The following ZFPM2 variants were observed in gnomAD, a reference collection of about 807,000 sequenced individuals.
The protein encoded by ZFPM2 is zinc finger protein, FOG family member 2.
Under a neutral mutation model 98.6 loss-of-function variants are expected in ZFPM2, and 20 were observed. That is an observed-to-expected ratio of 0.20 (90% CI 0.14 to 0.29). ZFPM2 has a LOEUF of 0.29. Ranked by LOEUF, ZFPM2 falls within the 10% of genes least tolerant of loss-of-function variation. ZFPM2 has a pLI of 1.00. For synonymous variants in ZFPM2, 518 were observed against 502.7 expected (o/e 1.03, Z -0.41); for missense variants, 1,310 against 1,388.6 (o/e 0.94, Z 0.90).
At chr8:105,503,160 A>G (rs1813629801) in intron 3 of ZFPM2, among the ~76,000 whole-genome samples, 1 of 152,224 alleles carries the variant, frequency 6.6e-6, no homozygotes, top group South Asian at 2.1e-4. Context: ...TGTTGTTTCA[A>G]GGTGTGTAAG....
intron 4 of ZFPM2, among the ~76,000 whole-genome samples, chr8:105,570,149 C>G (rs2130718314): frequency 6.6e-6 from 1 of 152,190 alleles, no homozygotes; most frequent in East Asian, 1.9e-4. Flanking sequence ...TTCTCTTATA[C>G]TCTATCTGCT....
At chr8:105,634,996 A>C (rs754850668) in intron 5 of ZFPM2, among the ~76,000 whole-genome samples, 2 of 152,146 alleles carry the variant, frequency 1.3e-5, no homozygotes, top group African/African-American at 2.4e-5. Flanking sequence ...ATGATGGCAC[A>C]TTGTGGGGCT....
intron 5 of ZFPM2, among the ~76,000 whole-genome samples, chr8:105,651,609 A>G (rs899009567): frequency 6.6e-6 from 1 of 152,102 alleles, no homozygotes; most frequent in Non-Finnish European, 1.5e-5. Flanking sequence ...CAACACCTCT[A>G]AAAGGCCTTC....
chr8:105,720,909 G>A (rs1053499505), intron 5 of ZFPM2, among the ~76,000 whole-genome samples: 3 of 151,944 alleles, frequency 2.0e-5, no homozygotes, highest in Non-Finnish European at 4.4e-5. Context: ...CCACCTTGCT[G>A]CATCTGTAAA....
chr8:105,441,661 G>A (rs1250406530), intron 2 of ZFPM2, among the ~76,000 whole-genome samples: 1 of 151,952 alleles, frequency 6.6e-6, no homozygotes, highest in Non-Finnish European at 1.5e-5. Flanking sequence ...AGCTAACATT[G>A]TGATTCCAGT....
At chr8:105,737,921 G>C (rs1317354199) in intron 5 of ZFPM2, among the ~76,000 whole-genome samples, 1 of 151,702 alleles carries the variant, frequency 6.6e-6, no homozygotes, top group Non-Finnish European at 1.5e-5. Context: ...AAATACAATA[G>C]TATTTTTTGT....
At chr8:105,333,430 A>G (rs1295465340) in intron 1 of ZFPM2, among the ~76,000 whole-genome samples, 1 of 151,770 alleles carries the variant, frequency 6.6e-6, no homozygotes, top group Non-Finnish European at 1.5e-5. Context: ...CCATTCATTC[A>G]TATGCATTAG....
At chr8:105,381,450 A>G (rs576715492) in intron 1 of ZFPM2, among the ~76,000 whole-genome samples, 1 of 152,262 alleles carries the variant, frequency 6.6e-6, no homozygotes, top group African/African-American at 2.4e-5. Context: ...CCCAAACTAG[A>G]GAACTCTTTG....
intron 3 of ZFPM2, among the ~76,000 whole-genome samples, chr8:105,468,112 A>G (rs1268334113): frequency 6.6e-6 from 1 of 151,598 alleles, no homozygotes; most frequent in Non-Finnish European, 1.5e-5. Flanking sequence ...TAAACAAACC[A>G]TCCTTACTTC....
chr8:105,435,963 G>A (rs2130166858), intron 2 of ZFPM2, among the ~76,000 whole-genome samples: 1 of 152,184 alleles, frequency 6.6e-6, no homozygotes, highest in Non-Finnish European at 1.5e-5. Flanking sequence ...AGAAGATGAA[G>A]GGTCTAAAAG....
At chr8:105,685,140 C>T (rs1317230565) in intron 5 of ZFPM2, among the ~76,000 whole-genome samples, 3 of 152,018 alleles carry the variant, frequency 2.0e-5, no homozygotes, top group Non-Finnish European at 4.4e-5. Context: ...TTCTGTGACA[C>T]GGGAAATGTT....
chr8:105,796,459 A>G (rs1020994820), intron 6 of ZFPM2, among the ~76,000 whole-genome samples: 1 of 152,224 alleles, frequency 6.6e-6, no homozygotes, highest in Non-Finnish European at 1.5e-5. Context: ...AATAGTGTAA[A>G]TGAAATTAAC....
Position 105,518,628 on chromosome 8 carries a change from C to T in ZFPM2, c.302-42735C>T, listed in dbSNP as rs78477426. On this transcript the variant is annotated intron_variant, in intron 3 of 7. Transcript: ENST00000407775. ...GAGAAGAAAAATAGGAGGAGTTGGC[C>T]TGAAAGGAGGTGTTTTCAGTGGCAA... Among the ~76,000 whole-genome samples, 14 of 152,152 alleles carry T rather than the reference C, an allele frequency of 9.2e-5. No homozygotes were observed. The East Asian group carries it at 2.7e-3, about 29-fold the overall frequency.
chr8:105,328,284 A>G (rs1812151999), intron 1 of ZFPM2, among the ~76,000 whole-genome samples: 1 of 151,856 alleles, frequency 6.6e-6, no homozygotes, highest in Non-Finnish European at 1.5e-5. Flanking sequence ...GAATGCTTAT[A>G]TTCATCATGA....
At chr8:105,505,142 CG>C (rs1813673789) in intron 3 of ZFPM2, among the ~76,000 whole-genome samples, 3 of 152,034 alleles carry the variant, frequency 2.0e-5, no homozygotes, top group Non-Finnish European at 4.4e-5. Flanking sequence ...TCTGAGCCTT[CG>C]ATTTTCAGCT....
intron 3 of ZFPM2, among the ~76,000 whole-genome samples, chr8:105,517,615 C>T (rs1347078765): frequency 1.3e-5 from 2 of 151,226 alleles, no homozygotes; most frequent in East Asian, 3.9e-4. Context: ...TTTGGGAGAC[C>T]ACGGTAGGAG....
intron 4 of ZFPM2, among the ~76,000 whole-genome samples, chr8:105,582,539 G>A (rs577875948): frequency 6.6e-5 from 10 of 152,158 alleles, no homozygotes; most frequent in African/African-American, 9.7e-5. Context: ...TGGAGAAACC[G>A]TGATATATAT....
At chr8:105,633,417 A>G (rs371072465) in intron 4 of ZFPM2, among the ~76,000 whole-genome samples, 1 of 152,322 alleles carries the variant, frequency 6.6e-6, no homozygotes, top group Non-Finnish European at 1.5e-5. Context: ...TTGCTGAGAC[A>G]TACTTATTTC....
chr8:105,717,105 A>G (rs2130988535), intron 5 of ZFPM2, among the ~76,000 whole-genome samples: 1 of 152,150 alleles, frequency 6.6e-6, no homozygotes, highest in East Asian at 1.9e-4. Flanking sequence ...TACTGCATGC[A>G]TGTCTTTCAA....
Sources: allele counts gnomAD v4.1 joint callset (sites outside exome capture counted in the v4.1 genomes callset), GRCh38; gene constraint gnomAD v4.1.1; transcripts MANE v1.5; gene names NCBI Gene and HGNC (gene_info 2026-07-23, HGNC 2026-07-21).